Variants in FGF14 observed in about 807,000 individuals in gnomAD.
The protein encoded by FGF14 is fibroblast growth factor 14.
A neutral mutation model predicts 25.5 loss-of-function variants in FGF14; 5 were observed. That is an observed-to-expected ratio of 0.20 (90% CI 0.10 to 0.41). The LOEUF (loss-of-function observed/expected upper bound fraction) is 0.41. FGF14 is among the 10% of genes least tolerant of loss of function. The pLI is 1.00. For synonymous variants in FGF14, 138 were observed against 118.3 expected, an observed-to-expected ratio of 1.17 and a Z score of -1.08; for missense variants, 222 against 320.1, an observed-to-expected ratio of 0.69 and a Z score of 2.34.
chr13:101,786,789 A>T (rs9582526), intron 3 of FGF14, among the ~76,000 whole-genome samples: 137,956 of 152,222 alleles, frequency 0.91, 64,028 homozygotes, highest in East Asian at 1. Flanking sequence ...CTTTTTCCAG[A>T]TCATCTGATT....
At chr13:101,813,013 T>C (rs529002439) in intron 3 of FGF14, among the ~76,000 whole-genome samples, 75 of 152,246 alleles carry the variant, frequency 4.9e-4, no homozygotes, top group Non-Finnish European at 9.0e-4. Flanking sequence ...TCCTATACTT[T>C]TGTGCATTTC....
At position 101,722,405 on chromosome 13, in the gene FGF14, G is replaced by A. The variant is rs1182920376; in HGVS notation, c.*426C>T. ...ATCCGTAATAGCACAGGTTTACAGC[G>A]TCTAACTAGAAATTACTCAATATTA... On this transcript the variant is annotated 3_prime_UTR_variant, in exon 5 of 5. Coordinates refer to ENST00000376143, the MANE Select transcript of FGF14 (RefSeq NM_004115.4). 5 of 284,224 alleles carry A rather than the reference G, an allele frequency of 1.8e-5. No homozygotes were observed. Among genetic ancestry groups the A allele is most frequent in the South Asian group, 1.1e-4 (3 of 26,728 alleles). 17.6% of individuals were successfully genotyped at this position (284,224 alleles called of 1,614,324 possible). A position where few individuals can be genotyped will look rare whatever the true frequency, so the allele number is the denominator to read the frequency against.
chr13:101,858,182 C>A (rs2044223746), intron 3 of FGF14, among the ~76,000 whole-genome samples: 1 of 150,430 alleles, frequency 6.6e-6, no homozygotes. Flanking sequence ...TGACAGGTAC[C>A]TCCCATACAC....
rs138961106 is a variant in FGF14 at position 101,852,586 on chromosome 13, C to A, written c.408+16139G>T. 3.5e-3 allele frequency among the ~76,000 whole-genome samples: 479 copies of A among 136,100 alleles called. 10 individuals are homozygous for A. In the Middle Eastern group the frequency reaches 0.048, roughly 14 times the overall value. 89.3% of individuals were successfully genotyped at this position (136,100 alleles called of 152,430 possible). On this transcript the variant is annotated intron_variant, in intron 3 of 4. Coordinates refer to ENST00000376143, the MANE Select transcript of FGF14 (RefSeq NM_004115.4). ...TTGGGGTAAGTGCTTTTAAATACAT[C>A]CTTTCTTTAAGTTTTATGACACTCT... is the stretch of plus-strand genomic sequence containing the variant.
At chr13:101,941,985 A>G (rs753064245) in intron 1 of FGF14, among the ~76,000 whole-genome samples, 16 of 152,204 alleles carry the variant, frequency 1.1e-4, no homozygotes, top group Non-Finnish European at 2.2e-4. Flanking sequence ...AACCTCAACT[A>G]TCTTAATAGG....
At chr13:102,158,541 G>A (rs1259669517) in intron 1 of FGF14, among the ~76,000 whole-genome samples, 1 of 150,714 alleles carries the variant, frequency 6.6e-6, no homozygotes, top group Non-Finnish European at 1.5e-5. Context: ...TAGCGGGGGG[G>A]GGATACATTA....
intron 1 of FGF14, among the ~76,000 whole-genome samples, chr13:102,365,346 AC>A (rs35768487): frequency 6.6e-6 from 1 of 151,782 alleles, no homozygotes; most frequent in Admixed American, 6.6e-5. Context: ...TGAAGTCAAC[AC>A]CCCCAGATTC....
intron 1 of FGF14, among the ~76,000 whole-genome samples, chr13:102,108,490 G>T (rs977200957): frequency 1.3e-5 from 2 of 152,204 alleles, no homozygotes; most frequent in African/African-American, 4.8e-5. Context: ...AATTAGATTG[G>T]ATCTCTGTGA....
At chr13:101,836,418 C>T (rs968309688) in intron 3 of FGF14, among the ~76,000 whole-genome samples, 2 of 151,872 alleles carry the variant, frequency 1.3e-5, no homozygotes, top group African/African-American at 4.8e-5. Context: ...TATACTGGAC[C>T]AGAATTTTAA....
chr13:102,275,248 CTCTCTCTCTCTCTT>C (rs1437045072), intron 1 of FGF14, among the ~76,000 whole-genome samples: 4,134 of 107,858 alleles, frequency 0.038, 190 homozygotes, highest in African/African-American at 0.11. Context: ...CTCTCTCTCT[CTCTCTCTCTCTCTT>C]TCTCTCTCTC....
intron 1 of FGF14, among the ~76,000 whole-genome samples, chr13:102,324,496 A>T (rs1321435264): frequency 6.6e-6 from 1 of 152,200 alleles, no homozygotes; most frequent in East Asian, 1.9e-4. Flanking sequence ...AATCATAAAC[A>T]ATACCTAGCT....
In FGF14 at chr13:102,288,122, C is replaced by T. The variant is rs376370812; in HGVS notation, c.208+113349G>A. Among the ~76,000 whole-genome samples the T allele has an allele frequency of 1.6e-4, 25 of 152,296 alleles. No individual in the cohort carries two copies. The East Asian group carries it at 4.4e-3, about 27-fold the overall frequency. ...ATTTTATTTCAATACTACTTTGAAA[C>T]AATGACTTCATTTTCTCCAGCTTTT... is the stretch of plus-strand genomic sequence containing the variant. On this transcript the variant is annotated intron_variant, in intron 1 of 4. Transcript: ENST00000376131.
At chr13:101,985,185 T>C (rs769289212) in intron 1 of FGF14, among the ~76,000 whole-genome samples, 56 of 152,006 alleles carry the variant, frequency 3.7e-4, no homozygotes, top group Non-Finnish European at 5.2e-4. Flanking sequence ...GCTACTTTTA[T>C]CATCTTCAAA....
intron 1 of FGF14, among the ~76,000 whole-genome samples, chr13:102,323,917 T>G (rs968723667): frequency 2.0e-5 from 3 of 151,680 alleles, no homozygotes; most frequent in Non-Finnish European, 2.9e-5. Flanking sequence ...AACAGAATGT[T>G]ATATATCAGA....
chr13:102,047,281 T>C (rs1187395040), intron 1 of FGF14, among the ~76,000 whole-genome samples: 2 of 152,074 alleles, frequency 1.3e-5, no homozygotes, highest in Non-Finnish European at 2.9e-5. Context: ...CACATACACA[T>C]ACATACATCT....
chr13:101,937,543 C>A (rs550999517), intron 1 of FGF14, among the ~76,000 whole-genome samples: 2 of 152,262 alleles, frequency 1.3e-5, no homozygotes, highest in South Asian at 4.1e-4. Flanking sequence ...ACACCTTGAC[C>A]GTGGACTGCT....
intron 1 of FGF14, among the ~76,000 whole-genome samples, chr13:101,933,525 A>G (rs774785689): frequency 6.6e-6 from 1 of 152,150 alleles, no homozygotes; most frequent in Non-Finnish European, 1.5e-5. Context: ...GGAATTCAAG[A>G]CCAGCCTGGC....
intron 3 of FGF14, among the ~76,000 whole-genome samples, chr13:101,788,897 TATATATATATATAGAGAGAGAGAGAG>T (rs769817971): frequency 6.0e-5 from 3 of 49,686 alleles, no homozygotes; most frequent in Non-Finnish European, 8.7e-5. Flanking sequence ...TATATATATA[TATATATATATATAGAGAGAGAGAGAG>T]AGAGAGAGAG....
At chr13:102,275,317 T>A (rs1254896498) in intron 1 of FGF14, among the ~76,000 whole-genome samples, 1 of 149,536 alleles carries the variant, frequency 6.7e-6, no homozygotes, top group Non-Finnish European at 1.5e-5. Context: ...GGGGTCATAT[T>A]TGTTTTGGTA....
Sources: allele counts gnomAD v4.1 joint callset (sites outside exome capture counted in the v4.1 genomes callset), GRCh38; gene constraint gnomAD v4.1.1; transcripts MANE v1.5; gene names NCBI Gene and HGNC (gene_info 2026-07-23, HGNC 2026-07-21).